Variants in TRIM2 observed in about 807,000 individuals in gnomAD.
TRIM2 encodes the protein tripartite motif containing 2.
TRIM2 carries 20 observed loss-of-function variants against 75.2 expected under a neutral mutation model. That is an observed-to-expected ratio of 0.27 (90% confidence interval 0.19 to 0.39). The LOEUF is 0.39. TRIM2 is among the 10% of genes least tolerant of loss of function. The probability of loss-of-function intolerance (pLI) is 1.00; values close to 1 mark genes in which losing one functional copy is unlikely to be tolerated. For synonymous variants in TRIM2, 373 were observed against 388.3 expected (o/e 0.96, Z 0.46); for missense variants, 660 against 990.8 (o/e 0.67, Z 4.48).
intron 3 of TRIM2, chr4:153,276,333 T>A: frequency 1.7e-6 from 1 of 599,428 alleles, no homozygotes; most frequent in Admixed American, 2.9e-5. Flanking sequence ...ATCTCCACTG[T>A]GTCTCCTTCA....
intron 3 of TRIM2, among the ~76,000 whole-genome samples, chr4:153,288,671 G>A (rs757915050): frequency 2.6e-5 from 4 of 151,874 alleles, no homozygotes; most frequent in Admixed American, 6.6e-5. Context: ...TGCAAATATC[G>A]GTTCTTTCCC....
intron 1 of TRIM2, among the ~76,000 whole-genome samples, chr4:153,229,714 T>G (rs2149795134): frequency 6.6e-6 from 1 of 152,372 alleles, no homozygotes; most frequent in African/African-American, 2.4e-5. Flanking sequence ...TGCCAGGGTA[T>G]GAAATTCTGA....
intron 1 of TRIM2, among the ~76,000 whole-genome samples, chr4:153,155,561 T>A (rs1026367802): frequency 6.6e-6 from 1 of 151,862 alleles, no homozygotes; most frequent in Non-Finnish European, 1.5e-5. Context: ...AAGGATGGAG[T>A]AAGAGAAAAC....
chr4:153,177,734 C>CTTCT (rs1731608663), intron 1 of TRIM2, among the ~76,000 whole-genome samples: 1 of 149,834 alleles, frequency 6.7e-6, no homozygotes, highest in East Asian at 1.9e-4. Context: ...TCCTTCCTTC[C>CTTCT]TTCCTTCCTT....
intron 1 of TRIM2, among the ~76,000 whole-genome samples, chr4:153,235,337 T>G (rs1163543140): frequency 4.0e-5 from 6 of 151,790 alleles, no homozygotes; most frequent in Non-Finnish European, 4.4e-5. Context: ...CAGGTTGGAG[T>G]GCAGTGGCAT....
chr4:153,214,354 T>G (rs921068818), intron 1 of TRIM2, among the ~76,000 whole-genome samples: 1 of 152,224 alleles, frequency 6.6e-6, no homozygotes, highest in East Asian at 1.9e-4. Flanking sequence ...TGAGGAGAGC[T>G]TGGATTTAAG....
chr4:153,240,711 C>T (rs1012719953), intron 1 of TRIM2, among the ~76,000 whole-genome samples: 1 of 152,186 alleles, frequency 6.6e-6, no homozygotes, highest in African/African-American at 2.4e-5. Flanking sequence ...TATCCAATAA[C>T]CATATAACCA....
intron 1 of TRIM2, among the ~76,000 whole-genome samples, chr4:153,178,891 G>A (rs974393493): frequency 1.3e-5 from 2 of 152,174 alleles, no homozygotes; most frequent in African/African-American, 4.8e-5. Context: ...TCAAGTAAAA[G>A]GAATCTGCCA....
intron 4 of TRIM2, 30 bp from the exon 5 acceptor site, chr4:153,294,275 A>C: frequency 6.2e-7 from 1 of 1,605,134 alleles, no homozygotes; most frequent in East Asian, 2.2e-5. Flanking sequence ...GGTTGAGGTT[A>C]AATAACGACC....
chr4:153,270,157 T>G (rs1756318935), intron 1 of TRIM2, among the ~76,000 whole-genome samples, 178 bp from the exon 2 acceptor site: 1 of 151,992 alleles, frequency 6.6e-6, no homozygotes, highest in African/African-American at 2.4e-5. Flanking sequence ...CTCGATCTCT[T>G]GACCTCATGA....
chr4:153,197,843 A>G (rs1026332486), intron 1 of TRIM2, among the ~76,000 whole-genome samples: 1 of 152,216 alleles, frequency 6.6e-6, no homozygotes, highest in Non-Finnish European at 1.5e-5. Context: ...ACTGTACTCC[A>G]GCCTGGGCAA....
At chr4:153,307,822 G>T in intron 6 of TRIM2, 1 of 729,900 alleles carries the variant, frequency 1.4e-6, no homozygotes. Context: ...TAATAGTACA[G>T]GGACTTGCTA....
At chr4:153,285,576 G>A (rs1760430378) in intron 3 of TRIM2, among the ~76,000 whole-genome samples, 1 of 152,210 alleles carries the variant, frequency 6.6e-6, no homozygotes, top group South Asian at 2.1e-4. Flanking sequence ...TCCTGCCTCA[G>A]CCTCCCAAAG....
At chr4:153,296,178 T>C in intron 6 of TRIM2, 142 bp downstream of exon 6, 1 of 1,136,840 alleles carries the variant, frequency 8.8e-7, no homozygotes, top group Non-Finnish European at 1.2e-6. Context: ...AAATTTGATA[T>C]ATTTTGTTAG....
Position 153,221,899 on chromosome 4 carries a change from GAGGA to G in TRIM2, c.30+17347_30+17350del, listed in dbSNP as rs1293240461. ...GGGAAGGAGGAAGGAAGGAAGGAGG[GAGGA>G]AGGAAGGGAGGGAGGGAGAGGGAGA... On this transcript the variant is annotated intron_variant, in intron 1 of 11. Coordinates refer to ENST00000338700, the MANE Select transcript of TRIM2 (RefSeq NM_015271.5). Among the ~76,000 whole-genome samples, 73 of 104,656 alleles carry G rather than the reference GAGGA, an allele frequency of 7.0e-4. 1 individual carries two copies. The highest frequency in any genetic ancestry group is 1.3e-3 in the African/African-American group (40 of 30,564). 68.7% of individuals were successfully genotyped at this position (104,656 alleles called of 152,430 possible). A position where few individuals can be genotyped will look rare whatever the true frequency, so the allele number is the denominator to read the frequency against.
intron 6 of TRIM2, among the ~76,000 whole-genome samples, chr4:153,302,138 GT>G (rs1713935539): frequency 2.0e-5 from 3 of 151,808 alleles, no homozygotes; most frequent in African/African-American, 7.3e-5. Context: ...GTTGTCTTCG[GT>G]TTTTTTCATC....
rs1268924136 is a variant in TRIM2 at position 153,294,495 on chromosome 4, G to A, written c.786+10G>A. 6.2e-7 allele frequency: 1 copy of A among 1,611,324 alleles called. No individual in the cohort carries two copies. Among genetic ancestry groups the A allele is most frequent in the African/African-American group, 1.3e-5 (1 of 74,860 alleles). ...TGGCCTCAAACACAAAGTAAGACCA[G>A]AATCATTACAGATGTCCTGGAAGAG... On this transcript the variant is annotated intron_variant, in intron 5 of 11. Coordinates refer to ENST00000338700, the MANE Select transcript of TRIM2 (RefSeq NM_015271.5).
chr4:153,256,033 G>T (rs1217328016), intron 1 of TRIM2, among the ~76,000 whole-genome samples: 1 of 152,102 alleles, frequency 6.6e-6, no homozygotes, highest in Non-Finnish European at 1.5e-5. Context: ...TCCAAAATTG[G>T]CTGTGGTAAT....
intron 10 of TRIM2, 48 bp downstream of exon 10, chr4:153,324,196 A>G: frequency 6.5e-7 from 1 of 1,538,062 alleles, no homozygotes; most frequent in African/African-American, 1.4e-5. Flanking sequence ...GCTTTTATGG[A>G]GAAATTGGTC....
Sources: gnomAD v4.1 joint callset for allele counts (sites outside exome capture counted in the v4.1 genomes callset) on GRCh38, gnomAD v4.1.1 for gene constraint, MANE v1.5 for transcripts, NCBI Gene and HGNC (gene_info 2026-07-23, HGNC 2026-07-21) for gene names.